Variants in SPIDR observed in about 807,000 individuals in gnomAD.
The protein encoded by SPIDR is DNA repair-scaffolding protein.
A neutral mutation model predicts 104.6 loss-of-function variants in SPIDR; 93 were observed. The ratio of observed to expected loss-of-function variants is 0.89; its 90% CI spans 0.75 to 1.06. The LOEUF (loss-of-function observed/expected upper bound fraction) is 1.06. Ranked by LOEUF, SPIDR falls within the 50% of genes least tolerant of loss-of-function variation. The pLI, the probability that SPIDR is intolerant of heterozygous loss-of-function variation, is 0.00. For synonymous variants in SPIDR, 431 were observed against 416.9 expected (o/e 1.03, Z -0.41); for missense variants, 1,154 against 1,111.2 (o/e 1.04, Z -0.55).
chr8:47,568,878 A>G lies in SPIDR; in HGVS notation c.1098-26933A>G, dbSNP rs1190209620. 2.0e-5 allele frequency among the ~76,000 whole-genome samples: 3 copies of G among 152,328 alleles called. No homozygotes were observed. The East Asian group carries it at 5.8e-4, about 29-fold the overall frequency. Reference sequence around the variant, plus strand: ...CAAACATGGAGTGGAGAGCAGGCATAAATCCTTCTTTATCAGTAATCACAT... The same window carrying G: ...CAAACATGGAGTGGAGAGCAGGCATGAATCCTTCTTTATCAGTAATCACAT... On this transcript the variant is annotated intron_variant, in intron 8 of 19. Coordinates refer to ENST00000297423, the MANE Select transcript of SPIDR (RefSeq NM_001080394.4).
intron 14 of SPIDR, among the ~76,000 whole-genome samples, chr8:47,703,661 T>C (rs1395312989): frequency 2.0e-5 from 3 of 152,254 alleles, no homozygotes; most frequent in African/African-American, 4.8e-5. Flanking sequence ...AAAATATTCT[T>C]ACGGTTTTTT....
intron 10 of SPIDR, among the ~76,000 whole-genome samples, chr8:47,655,618 G>T (rs1002939826): frequency 2.0e-5 from 3 of 152,144 alleles, no homozygotes; most frequent in Non-Finnish European, 4.4e-5. Flanking sequence ...GTAGATTCTG[G>T]ATATTAGCCC....
At chr8:47,723,892 C>T (rs906819937) in intron 16 of SPIDR, among the ~76,000 whole-genome samples, 12 of 151,808 alleles carry the variant, frequency 7.9e-5, no homozygotes, top group African/African-American at 2.9e-4. Context: ...CTTCCCATCC[C>T]TTGTAACACT....
intron 5 of SPIDR, among the ~76,000 whole-genome samples, chr8:47,351,041 C>T (rs1049088178): frequency 2.0e-5 from 3 of 152,172 alleles, no homozygotes; most frequent in Non-Finnish European, 4.4e-5. Context: ...TTAGTCTCTT[C>T]GTAGCTGGTC....
At chr8:47,327,547 C>T (rs1245424052) in intron 5 of SPIDR, among the ~76,000 whole-genome samples, 4 of 151,966 alleles carry the variant, frequency 2.6e-5, no homozygotes, top group Non-Finnish European at 5.9e-5. Flanking sequence ...ACTACAGGCA[C>T]GCACCAGCAC....
At chr8:47,370,666 G>T (rs1394744553) in intron 5 of SPIDR, among the ~76,000 whole-genome samples, 3 of 151,270 alleles carry the variant, frequency 2.0e-5, no homozygotes, top group Middle Eastern at 3.4e-3. Context: ...GTGAAAGGCT[G>T]GTCTCAAACT....
chr8:47,644,647 G>C (rs375494751), intron 10 of SPIDR, among the ~76,000 whole-genome samples: 1 of 152,288 alleles, frequency 6.6e-6, no homozygotes, highest in East Asian at 1.9e-4. Flanking sequence ...CTCCTTATGT[G>C]ATTGATATAT....
chr8:47,350,775 A>G (rs1419479081), intron 5 of SPIDR, among the ~76,000 whole-genome samples: 5 of 152,228 alleles, frequency 3.3e-5, no homozygotes, highest in Non-Finnish European at 1.5e-5. Flanking sequence ...GTACTATAAC[A>G]TTTGAGAAAC....
chr8:47,452,275 A>G (rs1347821388), intron 8 of SPIDR, among the ~76,000 whole-genome samples: 2 of 152,146 alleles, frequency 1.3e-5, no homozygotes, highest in Non-Finnish European at 2.9e-5. Context: ...AGAAAACGAA[A>G]CAAGCAAAAA....
intron 1 of SPIDR, among the ~76,000 whole-genome samples, chr8:47,278,630 A>AT (rs1432276235): frequency 1.3e-4 from 20 of 151,196 alleles, no homozygotes; most frequent in Non-Finnish European, 2.8e-4. Context: ...TTTTTTTGAG[A>AT]TAGAGTCTTG....
intron 7 of SPIDR, among the ~76,000 whole-genome samples, chr8:47,420,473 C>G (rs541524994): frequency 6.6e-6 from 1 of 152,094 alleles, no homozygotes; most frequent in African/African-American, 2.4e-5. Context: ...GCTTTTAGAT[C>G]TTCCTCCATC....
At chr8:47,347,705 C>T (rs1435582861) in intron 5 of SPIDR, among the ~76,000 whole-genome samples, 3 of 152,004 alleles carry the variant, frequency 2.0e-5, no homozygotes, top group Non-Finnish European at 4.4e-5. Flanking sequence ...TATGTAATGG[C>T]CTTCTTTGTC....
intron 8 of SPIDR, among the ~76,000 whole-genome samples, chr8:47,514,843 C>G (rs1008365472): frequency 6.6e-6 from 1 of 152,144 alleles, no homozygotes; most frequent in African/African-American, 2.4e-5. Flanking sequence ...ACAAGCACCT[C>G]TGACTGCTTT....
At chr8:47,509,846 A>G (rs1307500008) in intron 8 of SPIDR, among the ~76,000 whole-genome samples, 1 of 152,140 alleles carries the variant, frequency 6.6e-6, no homozygotes, top group Non-Finnish European at 1.5e-5. Context: ...CATGCGTATA[A>G]TATGATGCAC....
chr8:47,650,361 G>A (rs1274886131), intron 10 of SPIDR, among the ~76,000 whole-genome samples: 3 of 152,076 alleles, frequency 2.0e-5, no homozygotes, highest in African/African-American at 7.2e-5. Context: ...AACAATAGCT[G>A]CAAAAATTAG....
chr8:47,581,335 T>A (rs984110590), intron 8 of SPIDR, among the ~76,000 whole-genome samples: 4 of 152,188 alleles, frequency 2.6e-5, no homozygotes, highest in African/African-American at 9.7e-5. Flanking sequence ...TAACTCATAG[T>A]CTAAATTGAA....
chr8:47,578,424 A>G (rs1291825582), intron 8 of SPIDR, among the ~76,000 whole-genome samples: 1 of 152,138 alleles, frequency 6.6e-6, no homozygotes, highest in African/African-American at 2.4e-5. Flanking sequence ...ATGAGCAGAG[A>G]TGGCGCCATT....
intron 8 of SPIDR, among the ~76,000 whole-genome samples, chr8:47,503,026 T>A (rs2080800371): frequency 1.3e-5 from 2 of 152,208 alleles, no homozygotes; most frequent in African/African-American, 2.4e-5. Flanking sequence ...TTCTCTTCTT[T>A]TACATTTGCT....
At chr8:47,434,208 A>G (rs1418304726) in intron 7 of SPIDR, among the ~76,000 whole-genome samples, 2 of 152,220 alleles carry the variant, frequency 1.3e-5, no homozygotes, top group Non-Finnish European at 2.9e-5. Context: ...TATTAAAGAC[A>G]GAGGTCCTGT....
Sources: gnomAD v4.1 joint callset for allele counts (sites outside exome capture counted in the v4.1 genomes callset) on GRCh38, gnomAD v4.1.1 for gene constraint, MANE v1.5 for transcripts, NCBI Gene and HGNC (gene_info 2026-07-23, HGNC 2026-07-21) for gene names.